The following NLN variants were observed in gnomAD, a reference collection of about 807,000 sequenced individuals.
NLN encodes neurolysin, mitochondrial.
Under a neutral mutation model 79.9 loss-of-function variants are expected in NLN, and 64 were observed. The ratio of observed to expected loss-of-function variants is 0.80; its 90% CI spans 0.65 to 0.99. The LOEUF (loss-of-function observed/expected upper bound fraction) is 0.99, where lower values mean the gene tolerates loss of function less well. Ranked by LOEUF, NLN falls within the 50% of genes least tolerant of loss-of-function variation. NLN has a pLI of 0.00. For missense variants in NLN, 835 were observed against 858.7 expected, an observed-to-expected ratio of 0.97 and a Z score of 0.34; for synonymous variants, 267 against 296.6, an observed-to-expected ratio of 0.90 and a Z score of 1.02.
At chr5:65,761,979 T>A (rs1283147605) in intron 2 of NLN, among the ~76,000 whole-genome samples, 1 of 152,218 alleles carries the variant, frequency 6.6e-6, no homozygotes, top group Non-Finnish European at 1.5e-5. Flanking sequence ...TTTCACAGCA[T>A]AACACAACCA....
chr5:65,740,092 C>G (rs76093952), intron 1 of NLN, among the ~76,000 whole-genome samples: 1,661 of 152,174 alleles, frequency 0.011, 26 homozygotes, highest in African/African-American at 0.035. Context: ...TGGAGCTTTT[C>G]CCATATATTT....
At chr5:65,728,678 G>A (rs1330685352) in intron 1 of NLN, among the ~76,000 whole-genome samples, 4 of 151,898 alleles carry the variant, frequency 2.6e-5, no homozygotes, top group Admixed American at 6.6e-5. Flanking sequence ...ATTATAATTT[G>A]CATTTTCATA....
At chr5:65,790,805 C>T (rs901077471) in intron 8 of NLN, among the ~76,000 whole-genome samples, 10 of 152,140 alleles carry the variant, frequency 6.6e-5, no homozygotes, top group African/African-American at 1.4e-4. Flanking sequence ...TAGTTTTAAC[C>T]GAAGAACTCT....
intron 7 of NLN, among the ~76,000 whole-genome samples, chr5:65,787,903 C>T (rs999853427): frequency 3.3e-5 from 5 of 152,120 alleles, no homozygotes; most frequent in Non-Finnish European, 7.4e-5. Flanking sequence ...GGGGCTAGGA[C>T]CATAAAATCA....
intron 9 of NLN, among the ~76,000 whole-genome samples, chr5:65,807,357 C>T (rs551878632): frequency 1.3e-5 from 2 of 152,142 alleles, no homozygotes; most frequent in East Asian, 3.9e-4. Context: ...AAGATTATAG[C>T]TTGCCAAAGG....
intron 9 of NLN, among the ~76,000 whole-genome samples, chr5:65,803,326 A>G (rs1320681280): frequency 2.0e-5 from 3 of 152,150 alleles, no homozygotes; most frequent in African/African-American, 7.2e-5. Context: ...GTGCCAAGCC[A>G]CGCTCAGTTC....
rs1760924187 is a variant in NLN at position 65,826,538 on chromosome 5, A to T, written c.*3623A>T. The stretch of plus-strand genomic sequence containing the variant: ...CCTCAAATCAACACATTACAGTTAG[A>T]TGTCTCCCATCTGAAATTGGATAGC... On this transcript the variant is annotated 3_prime_UTR_variant, in exon 13 of 13. Coordinates refer to ENST00000380985, the MANE Select transcript of NLN (RefSeq NM_020726.5). 6.6e-6 allele frequency: 1 copy of T among 152,208 alleles called. No homozygotes were observed. The highest frequency in any genetic ancestry group is 2.4e-5 in the African/African-American group (1 of 41,440). The allele number at this position is 152,208 out of a possible 1,614,324, so 9.4% of individuals were successfully genotyped here.
At chr5:65,807,730 G>A (rs544725131) in intron 9 of NLN, among the ~76,000 whole-genome samples, 3 of 152,228 alleles carry the variant, frequency 2.0e-5, no homozygotes, top group African/African-American at 4.8e-5. Flanking sequence ...GTGAGTCACC[G>A]CACCAGCCAT....
At chr5:65,777,156 T>C (rs1163781719) in intron 3 of NLN, among the ~76,000 whole-genome samples, 1 of 152,268 alleles carries the variant, frequency 6.6e-6, no homozygotes, top group East Asian at 1.9e-4. Flanking sequence ...TGCTCTGTTA[T>C]CACACTTTCA....
intron 1 of NLN, among the ~76,000 whole-genome samples, chr5:65,731,029 AC>A (rs1382398628): frequency 2.0e-5 from 3 of 152,048 alleles, no homozygotes; most frequent in African/African-American, 7.2e-5. Context: ...TCTGATCTTA[AC>A]TCATTCATGC....
chr5:65,810,331 C>T (rs563327706), intron 11 of NLN, among the ~76,000 whole-genome samples, 166 bp downstream of exon 11: 4 of 152,258 alleles, frequency 2.6e-5, no homozygotes, highest in East Asian at 3.9e-4. Context: ...TGAGTTATCC[C>T]GTCCAAATGC....
Position 65,823,161 on chromosome 5 carries a change from GAA to G in NLN, c.*248_*249del, listed in dbSNP as rs1760838024. On this transcript the variant is annotated 3_prime_UTR_variant, in exon 13 of 13. Transcript: ENST00000380985. ...AAAACTGGATTTGATTTCTTTTTAT[GAA>G]AGTTTCATATGAATGTAACTTGATT... 1 of 382,784 alleles carries G rather than the reference GAA, an allele frequency of 2.6e-6. No individual in the cohort carries two copies. Among genetic ancestry groups the G allele is most frequent in the Non-Finnish European group, 4.7e-6 (1 of 214,298 alleles). The allele number at this position is 382,784 out of a possible 1,614,324, so 23.7% of individuals were successfully genotyped here.
chr5:65,737,739 G>A (rs72766079), intron 1 of NLN, among the ~76,000 whole-genome samples: 4,628 of 152,168 alleles, frequency 0.03, 80 homozygotes, highest in East Asian at 0.056. Context: ...ACAAAAACCC[G>A]GTTGCCTATG....
At chr5:65,759,026 T>C (rs1759283870) in intron 2 of NLN, among the ~76,000 whole-genome samples, 200 bp downstream of exon 2, 1 of 152,246 alleles carries the variant, frequency 6.6e-6, no homozygotes, top group Non-Finnish European at 1.5e-5. Context: ...CACTGCTCTC[T>C]GGAGAGCATT....
chr5:65,800,828 C>T (rs1354349976), intron 9 of NLN, among the ~76,000 whole-genome samples: 3 of 151,806 alleles, frequency 2.0e-5, no homozygotes, highest in Non-Finnish European at 4.4e-5. Flanking sequence ...GTAGCTGAGA[C>T]TACAGGAATG....
intron 8 of NLN, 23 bp downstream of exon 8, chr5:65,788,507 A>G (rs375887781): frequency 3.9e-5 from 63 of 1,601,838 alleles, no homozygotes; most frequent in Non-Finnish European, 5.4e-5. Flanking sequence ...ACGTTGTTGG[A>G]AGGGACCTTA....
intron 3 of NLN, among the ~76,000 whole-genome samples, chr5:65,764,371 A>G (rs747536987): frequency 6.6e-6 from 1 of 152,180 alleles, no homozygotes; most frequent in Non-Finnish European, 1.5e-5. Context: ...TACTAAAAAT[A>G]CAAAAATTAG....
chr5:65,800,037 C>G lies in NLN; in HGVS notation c.1527+7382C>G, dbSNP rs544722923. Among the ~76,000 whole-genome samples, 6 of 152,294 alleles carry G rather than the reference C, an allele frequency of 3.9e-5. No homozygotes were observed. In the East Asian group the frequency reaches 1.2e-3, roughly 29 times the overall value. ...GAAATCAGTACTGGATCACCTCAGA[C>G]AGCCAATGTCAGGTCTCCTGAGGCC... On this transcript the variant is annotated intron_variant, in intron 9 of 12. Coordinates refer to ENST00000380985, the MANE Select transcript of NLN (RefSeq NM_020726.5).
intron 3 of NLN, among the ~76,000 whole-genome samples, chr5:65,767,434 CA>C (rs1759475328): frequency 6.6e-6 from 1 of 152,192 alleles, no homozygotes; most frequent in South Asian, 2.1e-4. Context: ...AACTGGGATG[CA>C]GGGCACTATG....
Sources: allele counts gnomAD v4.1 joint callset (sites outside exome capture counted in the v4.1 genomes callset), GRCh38; gene constraint gnomAD v4.1.1; transcripts MANE v1.5; gene names NCBI Gene and HGNC (gene_info 2026-07-23, HGNC 2026-07-21).